TCF20: variants seen among roughly 807,000 people sequenced by gnomAD.
TCF20 encodes SPRE-binding protein.
Under a neutral mutation model 148.6 loss-of-function variants are expected in TCF20, and 3 were observed. The observed-to-expected ratio is 0.02, with a 90% CI of 0.01 to 0.05. TCF20 has a LOEUF of 0.05. Among genes scored for constraint, TCF20 ranks in the 10% least tolerant of loss-of-function variants. The pLI is 1.00. For synonymous variants in TCF20, 1,049 were observed against 909.5 expected (o/e 1.15, Z -2.76); for missense variants, 2,350 against 2,429.3 (o/e 0.97, Z 0.69).
intron 1 of TCF20, among the ~76,000 whole-genome samples, chr22:42,256,877 A>G (rs145299618): frequency 1.1e-3 from 167 of 152,280 alleles, no homozygotes; most frequent in African/African-American, 3.9e-3. Flanking sequence ...ACTCTCCAGG[A>G]GCCAGGCACA....
chr22:42,235,253 G>A (rs1013649190), intron 1 of TCF20, among the ~76,000 whole-genome samples: 6 of 152,068 alleles, frequency 3.9e-5, no homozygotes, highest in African/African-American at 9.7e-5. Context: ...AACAGACACT[G>A]AGACAAAAGA....
intron 2 of TCF20, among the ~76,000 whole-genome samples, chr22:42,199,912 T>C (rs1937878992): frequency 1.3e-5 from 2 of 151,608 alleles, no homozygotes; most frequent in African/African-American, 4.8e-5. Flanking sequence ...ATTTTAGGAA[T>C]AATTATGATG....
At chr22:42,246,184 C>A (rs887892968) in intron 1 of TCF20, among the ~76,000 whole-genome samples, 27 of 152,316 alleles carry the variant, frequency 1.8e-4, no homozygotes, top group African/African-American at 4.8e-4. Context: ...TGGCTCACTG[C>A]AACCTCCACC....
At chr22:42,162,819 A>G (rs776162887) in intron 5 of TCF20, among the ~76,000 whole-genome samples, 1 of 152,186 alleles carries the variant, frequency 6.6e-6, no homozygotes, top group Non-Finnish European at 1.5e-5. Flanking sequence ...GGGAGCTAAG[A>G]TTGAGCTGTT....
chr22:42,180,182 CTTGTAT>C (rs1197748584), intron 2 of TCF20, among the ~76,000 whole-genome samples: 1 of 152,134 alleles, frequency 6.6e-6, no homozygotes, highest in Non-Finnish European at 1.5e-5. Context: ...GTTTCTAGTT[CTTGTAT>C]TTGTAAGAAG....
intron 1 of TCF20, among the ~76,000 whole-genome samples, chr22:42,227,161 T>C (rs1922985304): frequency 6.6e-6 from 1 of 152,082 alleles, no homozygotes; most frequent in Admixed American, 6.5e-5. Flanking sequence ...CACATGCCCG[T>C]AATCCTAGCT....
chr22:42,259,377 A>G (rs1925914265), intron 1 of TCF20, among the ~76,000 whole-genome samples: 1 of 152,144 alleles, frequency 6.6e-6, no homozygotes, highest in African/African-American at 2.4e-5. Context: ...GGAAGAAACA[A>G]CTTCTCTACA....
chr22:42,252,110 T>C (rs1200564200), intron 1 of TCF20, among the ~76,000 whole-genome samples: 2 of 141,290 alleles, frequency 1.4e-5, no homozygotes, highest in African/African-American at 5.1e-5. Flanking sequence ...TCTCTACCTG[T>C]ATTTTTTTTT....
rs1238953440 is a variant in TCF20, at chr22:42,279,687, C to A, written c.-37+4140G>T. Among the ~76,000 whole-genome samples, 4 of 152,194 alleles carry A rather than the reference C, an allele frequency of 2.6e-5. No homozygotes were observed. Among genetic ancestry groups the A allele is most frequent in the African/African-American group, 9.7e-5 (4 of 41,442 alleles). On this transcript the variant is annotated intron_variant, in intron 1 of 5. Coordinates refer to the TCF20 transcript ENST00000359486. The surrounding 1 kb of genome is among the most constrained non-coding windows in gnomAD (Gnocchi z 4.3). ...AGGTGCTCCGTGAGGTGGGACGATTCACCCCATGAGCAAACAGGCTCAGGG... is the reference window on the plus strand; with the variant it reads ...AGGTGCTCCGTGAGGTGGGACGATTAACCCCATGAGCAAACAGGCTCAGGG...
In TCF20 at chr22:42,212,501, C is replaced by T. The variant is rs1204167071; in HGVS notation, c.2805G>A (p.Gln935=). The T allele has an allele frequency of 6.2e-7, 1 of 1,614,090 alleles. No homozygotes were observed. The highest frequency in any genetic ancestry group is 1.3e-5 in the African/African-American group (1 of 74,926). ...TGTTGAAACTAGCTTGAGATTTAGA[C>T]TGTTCAAAGTCTTCCTCTTTTATCT... The part of the protein sequence containing the change: ...SGQIKEEDFE[Q]SKSQASFNNK... The change falls in exon 2 of 6, where the codon CAG becomes CAA. Residue 935 remains glutamine, a synonymous_variant. Transcript: ENST00000677622.
At chr22:42,245,430 C>T (rs1030467643) in intron 1 of TCF20, among the ~76,000 whole-genome samples, 1 of 152,112 alleles carries the variant, frequency 6.6e-6, no homozygotes, top group Non-Finnish European at 1.5e-5. Flanking sequence ...AAACATGAAA[C>T]GTGGAAGAAC....
chr22:42,172,901 A>G (rs1005522781), intron 3 of TCF20, among the ~76,000 whole-genome samples: 3 of 152,180 alleles, frequency 2.0e-5, no homozygotes, highest in African/African-American at 7.2e-5. Flanking sequence ...CTCCTGGGCC[A>G]TAAGGAGGGA....
intron 1 of TCF20, among the ~76,000 whole-genome samples, chr22:42,239,105 G>A (rs986135783): frequency 7.3e-5 from 11 of 149,988 alleles, no homozygotes; most frequent in East Asian, 2.0e-4. Flanking sequence ...GCGACAGAGC[G>A]AGACTCCATC....
Position 42,171,281 on chromosome 22 carries a change from C to T in TCF20, c.5750-1385G>A, listed in dbSNP as rs546787143. ...ATTGATAACACATTCTCAGAGAGCT[C>T]CCAGGCACCATGGCAGGAGGCAGCC... On this transcript the variant is annotated intron_variant, in intron 3 of 5. Transcript: ENST00000677622. Among the ~76,000 whole-genome samples, 3 of 152,282 alleles carry T rather than the reference C, an allele frequency of 2.0e-5. No homozygotes were observed. The East Asian group carries it at 5.8e-4, about 29-fold the overall frequency.
intron 2 of TCF20, among the ~76,000 whole-genome samples, chr22:42,196,901 G>A (rs1003588648): frequency 2.0e-5 from 3 of 152,106 alleles, no homozygotes; most frequent in Admixed American, 6.6e-5. Context: ...GTTGACCCTG[G>A]TATTGTCTAT....
At chr22:42,197,472 G>A (rs1160040406) in intron 2 of TCF20, among the ~76,000 whole-genome samples, 6 of 151,920 alleles carry the variant, frequency 3.9e-5, no homozygotes, top group East Asian at 1.9e-4. Context: ...ACAGGTGCCC[G>A]CCACCACGCC....
chr22:42,167,123 A>T (rs532356287), intron 5 of TCF20, among the ~76,000 whole-genome samples: 2 of 152,190 alleles, frequency 1.3e-5, no homozygotes, highest in South Asian at 4.1e-4. Flanking sequence ...GGTTCCTCTG[A>T]CCCAGGAACA....
intron 1 of TCF20, among the ~76,000 whole-genome samples, chr22:42,276,023 A>G (rs892929358): frequency 7.9e-5 from 12 of 152,214 alleles, no homozygotes; most frequent in Non-Finnish European, 1.8e-4. Context: ...CTTTGTTATA[A>G]GATGACAATA....
chr22:42,310,404 C>G (rs1388133930), intron 1 of TCF20, among the ~76,000 whole-genome samples: 2 of 143,438 alleles, frequency 1.4e-5, no homozygotes, highest in Non-Finnish European at 3.0e-5. Flanking sequence ...GAGACTCTCA[C>G]AAATAACCCA....
Sources: allele counts gnomAD v4.1 joint callset (sites outside exome capture counted in the v4.1 genomes callset), GRCh38; gene constraint gnomAD v4.1.1; non-coding constraint Gnocchi (gnomAD v3.1); transcripts MANE v1.5; gene names NCBI Gene and HGNC (gene_info 2026-07-23, HGNC 2026-07-21).